MORN1: variants seen among roughly 807,000 people sequenced by gnomAD.
MORN1 encodes MORN repeat containing 1, also known as MORN repeat-containing protein 1.
A neutral mutation model predicts 61.9 loss-of-function variants in MORN1; 67 were observed. The ratio of observed to expected loss-of-function variants is 1.08; its 90% CI spans 0.89 to 1.33. MORN1 has a LOEUF of 1.33. Ranked by LOEUF, MORN1 falls within the 40% of genes most tolerant of loss-of-function variation. The pLI is 0.00. For synonymous variants in MORN1, 301 were observed against 292.0 expected (o/e 1.03, Z -0.31); for missense variants, 752 against 691.2 (o/e 1.09, Z -0.99).
chr1:2,357,690 C>T lies in MORN1; in HGVS notation c.870-92G>A. The T allele has an allele frequency of 1.4e-6, 2 of 1,417,070 alleles. No individual in the cohort carries two copies. Among genetic ancestry groups the T allele is most frequent in the Non-Finnish European group, 1.9e-6 (2 of 1,066,130 alleles). The allele number at this position is 1,417,070 out of a possible 1,614,324, so 87.8% of individuals were successfully genotyped here. A position where few individuals can be genotyped will look rare whatever the true frequency, so the allele number is the denominator to read the frequency against. ...GTGGCCCACGCCCTGGACCCTGGGACTTGCCTACACTGAGTCCAGGGAGCG... is the reference window on the plus strand; with the variant it reads ...GTGGCCCACGCCCTGGACCCTGGGATTTGCCTACACTGAGTCCAGGGAGCG... On this transcript the variant is annotated intron_variant, in intron 9 of 13. Coordinates refer to ENST00000378531, the MANE Select transcript of MORN1 (RefSeq NM_024848.3). The surrounding 1 kb of genome is among the most constrained non-coding windows in gnomAD (Gnocchi z 6.3).
chr1:2,345,181 T>C (rs1440407418), intron 10 of MORN1, among the ~76,000 whole-genome samples: 1 of 152,240 alleles, frequency 6.6e-6, no homozygotes, highest in African/African-American at 2.4e-5. Flanking sequence ...CGCTCATGGA[T>C]GGCCACATGT....
chr1:2,327,087 GACACAGAAAC>G (rs534557344), intron 12 of MORN1, among the ~76,000 whole-genome samples: 3,054 of 149,170 alleles, frequency 0.02, 68 homozygotes, highest in Admixed American at 0.031. Flanking sequence ...CAAACACAGA[GACACAGAAAC>G]ACACAGAAAC....
At position 2,336,333 on chromosome 1, in the gene MORN1, G is replaced by A. The variant is rs560446730; in HGVS notation, c.1250+136C>T. The A allele has an allele frequency of 1.1e-3, 921 of 805,622 alleles. 5 individuals carry two copies. The highest frequency in any genetic ancestry group is 0.011 in the East Asian group (385 of 34,626). The allele number at this position is 805,622 out of a possible 1,614,324, so 49.9% of individuals were successfully genotyped here. A position where few individuals can be genotyped will look rare whatever the true frequency, so the allele number is the denominator to read the frequency against. ...GGCTGGCGGGGGGGCTCTCTGGAGC[G>A]AGGCCCGTGTAGGCTCACTGTCTTC... On this transcript the variant is annotated intron_variant, in intron 12 of 13. Coordinates refer to ENST00000378531, the MANE Select transcript of MORN1 (RefSeq NM_024848.3).
chr1:2,323,906 C>T, intron 13 of MORN1, 191 bp downstream of exon 13: 1 of 985,132 alleles, frequency 1.0e-6, no homozygotes. Flanking sequence ...TCCCCAGCCC[C>T]CAAGCCACCA....
intron 13 of MORN1, 76 bp downstream of exon 13, chr1:2,324,021 C>T (rs1640942146): frequency 4.0e-6 from 6 of 1,508,284 alleles, no homozygotes; most frequent in South Asian, 2.5e-5. Flanking sequence ...CCAACCCCAC[C>T]TCCAGCCCTG....
chr1:2,343,187 A>G (rs1371692313), intron 10 of MORN1, among the ~76,000 whole-genome samples: 1 of 152,126 alleles, frequency 6.6e-6, no homozygotes, highest in Non-Finnish European at 1.5e-5. Context: ...TTTGGCAAGC[A>G]TGATGCTGAC....
intron 12 of MORN1, among the ~76,000 whole-genome samples, chr1:2,335,455 T>A (rs954679138): frequency 6.6e-6 from 1 of 152,116 alleles, no homozygotes. Flanking sequence ...GCGCTGGGGA[T>A]GCCTGGAGCC....
At chr1:2,378,712 ACT>A (rs1557890340) in intron 6 of MORN1, 4 of 356,838 alleles carry the variant, frequency 1.1e-5, no homozygotes, top group Admixed American at 3.8e-5. Flanking sequence ...TGTGGCCTCT[ACT>A]CTGTCTGCTC....
chr1:2,340,565 G>A (rs574549267), intron 10 of MORN1, among the ~76,000 whole-genome samples: 2 of 152,316 alleles, frequency 1.3e-5, no homozygotes, highest in Admixed American at 6.5e-5. Context: ...GACTGCAGTG[G>A]GTCCCTAGGC....
At chr1:2,349,565 A>G (rs1461205035) in intron 10 of MORN1, among the ~76,000 whole-genome samples, 1 of 152,216 alleles carries the variant, frequency 6.6e-6, no homozygotes, top group African/African-American at 2.4e-5. Flanking sequence ...TTCCTAGAAA[A>G]AGAATTTATA....
chr1:2,342,450 C>G (rs1010547352), intron 10 of MORN1, among the ~76,000 whole-genome samples: 3 of 152,248 alleles, frequency 2.0e-5, no homozygotes, highest in African/African-American at 7.2e-5. Flanking sequence ...GGGACGAGAA[C>G]AGTCTCGTTT....
In MORN1 at chr1:2,388,290, A is replaced by G. The variant is rs1642554163; in HGVS notation, c.196T>C (p.Phe66Leu). 3.1e-6 allele frequency: 5 copies of G among 1,613,802 alleles called. No individual in the cohort carries two copies. Among genetic ancestry groups the G allele is most frequent in the Non-Finnish European group, 4.2e-6 (5 of 1,179,946 alleles). ...TCTCCCGTGATCTCTCCGTCCACAA[A>G]CGCCCCTTCGTAATAACTGCCATCT... ...FKDGSYYEGAFVDGEITGEGR... is the reference protein window; with the variant it reads ...FKDGSYYEGALVDGEITGEGR... Residue 66 changes from phenylalanine (F) to leucine (L), a missense_variant, in exon 3 of 14, where the codon TTT becomes CTT. By Grantham distance (22) the Phe-to-Leu change is conservative. Transcript: ENST00000378531.
intron 12 of MORN1, among the ~76,000 whole-genome samples, chr1:2,329,473 T>C (rs1018737069): frequency 2.6e-5 from 4 of 152,162 alleles, no homozygotes; most frequent in Non-Finnish European, 5.9e-5. Context: ...CCCATTGTCC[T>C]GGGAGTTCTC....
At chr1:2,346,258 G>T (rs954771053) in intron 10 of MORN1, among the ~76,000 whole-genome samples, 12 of 152,228 alleles carry the variant, frequency 7.9e-5, no homozygotes, top group African/African-American at 2.9e-4. Context: ...CAGGGTGCCC[G>T]CAGTCAGGGA....
At chr1:2,374,105 C>T (rs1242686300) in intron 7 of MORN1, among the ~76,000 whole-genome samples, 1 of 152,146 alleles carries the variant, frequency 6.6e-6, no homozygotes, top group Non-Finnish European at 1.5e-5. Flanking sequence ...GAGGCAGCCC[C>T]CAGAGGAGGC....
At chr1:2,343,820 G>T (rs1346389350) in intron 10 of MORN1, among the ~76,000 whole-genome samples, 1 of 152,188 alleles carries the variant, frequency 6.6e-6, no homozygotes, top group Non-Finnish European at 1.5e-5. Flanking sequence ...TCTGGCTTGG[G>T]GTTTGGACTT....
chr1:2,360,109 C>T (rs768611970), intron 8 of MORN1, among the ~76,000 whole-genome samples: 2 of 152,184 alleles, frequency 1.3e-5, no homozygotes, highest in Non-Finnish European at 2.9e-5. Context: ...TGATGTATCA[C>T]GCCCTGCACC....
At chr1:2,362,821 G>A (rs1025756699) in intron 8 of MORN1, among the ~76,000 whole-genome samples, 18 of 151,894 alleles carry the variant, frequency 1.2e-4, no homozygotes, top group African/African-American at 3.9e-4. Flanking sequence ...CCGAGATCGC[G>A]CCATTGCACT....
intron 6 of MORN1, chr1:2,378,429 T>C (rs2100351652): frequency 6.1e-6 from 1 of 163,204 alleles, no homozygotes; most frequent in East Asian, 1.8e-4. Flanking sequence ...GGCCCAAACG[T>C]GGAGGCTATA....
Sources: allele counts gnomAD v4.1 joint callset (sites outside exome capture counted in the v4.1 genomes callset), GRCh38; gene constraint gnomAD v4.1.1; non-coding constraint Gnocchi (gnomAD v3.1); transcripts MANE v1.5; gene names NCBI Gene and HGNC (gene_info 2026-07-23, HGNC 2026-07-21).